The following GRID2 variants were observed in gnomAD, a reference collection of about 807,000 sequenced individuals.
GRID2 encodes glutamate receptor ionotropic, delta-2.
GRID2 carries 33 observed loss-of-function variants against 114.8 expected under a neutral mutation model. The ratio of observed to expected loss-of-function variants is 0.29; its 90% CI spans 0.22 to 0.38. GRID2 has a LOEUF of 0.38. Ranked by LOEUF, GRID2 falls within the 10% of genes least tolerant of loss-of-function variation. The pLI is 1.00. For synonymous variants in GRID2, 505 were observed against 449.9 expected (o/e 1.12, Z -1.55); for missense variants, 1,184 against 1,257.7 (o/e 0.94, Z 0.89).
At chr4:93,741,694 G>A (rs749541450) in intron 14 of GRID2, among the ~76,000 whole-genome samples, 7 of 152,122 alleles carry the variant, frequency 4.6e-5, no homozygotes, top group Non-Finnish European at 1.0e-4. Flanking sequence ...TTGGGAGGCC[G>A]AGGCGGGCCT....
chr4:93,669,927 C>T (rs1304182145), intron 14 of GRID2, among the ~76,000 whole-genome samples: 1 of 152,122 alleles, frequency 6.6e-6, no homozygotes, highest in Non-Finnish European at 1.5e-5. Context: ...TGCTAATCAG[C>T]TTTTGTGGCT....
chr4:93,520,831 C>T (rs1273076933), intron 13 of GRID2, among the ~76,000 whole-genome samples: 1 of 152,118 alleles, frequency 6.6e-6, no homozygotes, highest in African/African-American at 2.4e-5. Context: ...CTTAGTTACT[C>T]TGAGATGAGA....
chr4:93,407,346 C>T (rs537600842), intron 9 of GRID2, among the ~76,000 whole-genome samples: 1 of 151,924 alleles, frequency 6.6e-6, no homozygotes, highest in Admixed American at 6.5e-5. Flanking sequence ...GGAAGATAAT[C>T]AAGGGGAGAC....
In GRID2 at chr4:93,136,279, T is replaced by A. The variant is rs996979499; in HGVS notation, c.735+25326T>A. On this transcript the variant is annotated intron_variant, in intron 4 of 15. Coordinates refer to ENST00000282020, the MANE Select transcript of GRID2 (RefSeq NM_001510.4). ...GTGTGTGTGTGTGTGTGTGTGTGTGTTTAATTATCCTAAGAATGCTAACCT... is the reference window on the plus strand; with the variant it reads ...GTGTGTGTGTGTGTGTGTGTGTGTGATTAATTATCCTAAGAATGCTAACCT... Among the ~76,000 whole-genome samples, 3 of 147,650 alleles carry A rather than the reference T, an allele frequency of 2.0e-5. No homozygotes were observed. In the Admixed American group the frequency reaches 2.1e-4, roughly 10 times the overall value.
intron 1 of GRID2, among the ~76,000 whole-genome samples, chr4:92,558,272 A>T (rs187974886): frequency 1.6e-3 from 237 of 152,288 alleles, no homozygotes; most frequent in Middle Eastern, 6.8e-3. Context: ...TGATGGTGAC[A>T]TTGACTGAGG....
chr4:93,444,928 T>A (rs569459159), intron 10 of GRID2, among the ~76,000 whole-genome samples: 1 of 152,138 alleles, frequency 6.6e-6, no homozygotes, highest in East Asian at 1.9e-4. Flanking sequence ...CTGTTCATTG[T>A]TTATAAATAT....
intron 1 of GRID2, among the ~76,000 whole-genome samples, chr4:92,451,448 A>AT (rs570205702): frequency 1.3e-5 from 2 of 152,248 alleles, no homozygotes; most frequent in South Asian, 4.1e-4. Flanking sequence ...AGGCATTTAC[A>AT]TTTTTTTATA....
At chr4:92,742,411 C>G (rs1736937567) in intron 2 of GRID2, among the ~76,000 whole-genome samples, 1 of 152,060 alleles carries the variant, frequency 6.6e-6, no homozygotes, top group East Asian at 1.9e-4. Flanking sequence ...CCCCTCCAGC[C>G]TACCCCAGGA....
At chr4:92,561,603 A>G (rs1727105201) in intron 1 of GRID2, among the ~76,000 whole-genome samples, 1 of 152,212 alleles carries the variant, frequency 6.6e-6, no homozygotes, top group Non-Finnish European at 1.5e-5. Flanking sequence ...AATCTTGCAC[A>G]TGATAGGTGT....
chr4:93,209,989 T>G (rs909296851), intron 5 of GRID2, among the ~76,000 whole-genome samples: 1 of 152,016 alleles, frequency 6.6e-6, no homozygotes, highest in African/African-American at 2.4e-5. Context: ...CTTGTAGAAC[T>G]TAAGGATAAA....
intron 1 of GRID2, among the ~76,000 whole-genome samples, chr4:93,784,138 C>T (rs1734543907): frequency 6.9e-6 from 1 of 144,648 alleles, no homozygotes; most frequent in Non-Finnish European, 1.5e-5. Flanking sequence ...AGCTTTAGTA[C>T]CTGGTCCTCT....
rs145885834 is a variant in GRID2, at chr4:92,457,633, A to C, written c.89-132498A>C. On this transcript the variant is annotated intron_variant, in intron 1 of 15. Coordinates refer to ENST00000282020, the MANE Select transcript of GRID2 (RefSeq NM_001510.4). Reference sequence around the variant, plus strand: ...TATTTAAAGTTGCATTCCACAAGTAATTGTACAGCATCACCTATGGGACAG... The same window carrying C: ...TATTTAAAGTTGCATTCCACAAGTACTTGTACAGCATCACCTATGGGACAG... 7.0e-3 allele frequency among the ~76,000 whole-genome samples: 1,066 copies of C among 152,270 alleles called. 13 individuals carry two copies. Among genetic ancestry groups the C allele is most frequent in the African/African-American group, 0.023 (963 of 41,558 alleles).
At chr4:93,798,776 C>T (rs1248339829) in intron 1 of GRID2, among the ~76,000 whole-genome samples, 1 of 152,184 alleles carries the variant, frequency 6.6e-6, no homozygotes, top group African/African-American at 2.4e-5. Flanking sequence ...CCTCTCCCCA[C>T]CCTCAGAATG....
chr4:93,628,436 G>T (rs1371996064), intron 14 of GRID2, among the ~76,000 whole-genome samples: 1 of 152,134 alleles, frequency 6.6e-6, no homozygotes, highest in African/African-American at 2.4e-5. Flanking sequence ...GAGTAGTTAA[G>T]CAAAGGAAAA....
chr4:93,060,013 A>G (rs2149291461), intron 2 of GRID2, among the ~76,000 whole-genome samples: 1 of 151,940 alleles, frequency 6.6e-6, no homozygotes, highest in Non-Finnish European at 1.5e-5. Flanking sequence ...CTCCTTTCTC[A>G]GAGATTTTTT....
At chr4:93,109,807 A>G (rs1732595747) in intron 3 of GRID2, among the ~76,000 whole-genome samples, 1 of 152,148 alleles carries the variant, frequency 6.6e-6, no homozygotes, top group Non-Finnish European at 1.5e-5. Context: ...CTTATTTCAG[A>G]TATCTTCTTC....
intron 5 of GRID2, among the ~76,000 whole-genome samples, chr4:93,207,910 G>A (rs1742998114): frequency 6.6e-6 from 1 of 151,912 alleles, no homozygotes. Context: ...CTTTTCATAA[G>A]GAAGTACAAC....
At chr4:93,381,209 A>G (rs575102168) in intron 8 of GRID2, among the ~76,000 whole-genome samples, 3 of 152,166 alleles carry the variant, frequency 2.0e-5, no homozygotes, top group African/African-American at 4.8e-5. Context: ...GAAACTCTAT[A>G]CTTAGTAAAC....
intron 2 of GRID2, among the ~76,000 whole-genome samples, chr4:92,835,901 A>G (rs1742419824): frequency 6.6e-6 from 1 of 152,122 alleles, no homozygotes; most frequent in African/African-American, 2.4e-5. Context: ...ACTCCTTGAC[A>G]GCAGATCACA....
Sources: gnomAD v4.1 joint callset for allele counts (sites outside exome capture counted in the v4.1 genomes callset) on GRCh38, gnomAD v4.1.1 for gene constraint, MANE v1.5 for transcripts, NCBI Gene and HGNC (gene_info 2026-07-23, HGNC 2026-07-21) for gene names.